The following SLC30A8 variants were observed in gnomAD, a reference collection of about 807,000 sequenced individuals.
SLC30A8 encodes solute carrier family 30 member 8, also known as proton-coupled zinc antiporter SLC30A8.
Under a neutral mutation model 36.9 loss-of-function variants are expected in SLC30A8, and 27 were observed. That is an observed-to-expected ratio of 0.73 (90% CI 0.54 to 1.01). The LOEUF is 1.01. Ranked by LOEUF, SLC30A8 falls within the 50% of genes least tolerant of loss-of-function variation. The probability of loss-of-function intolerance (pLI) is 0.00; values close to 1 mark genes in which losing one functional copy is unlikely to be tolerated. For missense variants in SLC30A8, 439 were observed against 452.0 expected (o/e 0.97, Z 0.26); for synonymous variants, 164 against 172.4 (o/e 0.95, Z 0.38).
At chr8:116,988,985 C>A (rs73701644) in intron 1 of SLC30A8, among the ~76,000 whole-genome samples, 7,459 of 152,238 alleles carry the variant, frequency 0.049, 548 homozygotes, top group African/African-American at 0.15. Context: ...ATGCTATGAA[C>A]CTCTGTGGTC....
intron 2 of SLC30A8, among the ~76,000 whole-genome samples, chr8:117,087,425 G>A (rs1818923448): frequency 6.6e-6 from 1 of 152,146 alleles, no homozygotes; most frequent in African/African-American, 2.4e-5. Flanking sequence ...TTCATCTGAG[G>A]TGGCTCATCA....
intron 2 of SLC30A8, among the ~76,000 whole-genome samples, chr8:117,112,243 G>T (rs1820260300): frequency 6.6e-6 from 1 of 152,098 alleles, no homozygotes; most frequent in Non-Finnish European, 1.5e-5. Flanking sequence ...TCCAGACCTT[G>T]AAAGATGAGA....
At chr8:117,003,126 TCTG>T (rs1331965961) in intron 1 of SLC30A8, among the ~76,000 whole-genome samples, 1 of 152,190 alleles carries the variant, frequency 6.6e-6, no homozygotes, top group Non-Finnish European at 1.5e-5. Context: ...CTGCAGCACT[TCTG>T]CTGCTGAGTA....
intron 1 of SLC30A8, among the ~76,000 whole-genome samples, chr8:116,967,259 A>T (rs1442877674): frequency 6.6e-6 from 1 of 152,242 alleles, no homozygotes; most frequent in African/African-American, 2.4e-5. Flanking sequence ...GATTTAGCTT[A>T]TATTAAAAGT....
intron 2 of SLC30A8, among the ~76,000 whole-genome samples, chr8:117,047,027 C>T (rs191139822): frequency 7.2e-5 from 11 of 152,222 alleles, no homozygotes; most frequent in Non-Finnish European, 1.3e-4. Flanking sequence ...CCATGGATTG[C>T]CTGCTTTTGG....
In SLC30A8 at chr8:117,163,410, T is replaced by G. The variant is rs1822892303; in HGVS notation, c.724-15T>G. 1 of 1,581,704 alleles carries G rather than the reference T, an allele frequency of 6.3e-7. No individual in the cohort carries two copies. Among genetic ancestry groups the G allele is most frequent in the South Asian group, 1.1e-5 (1 of 89,010 alleles). On this transcript the variant is annotated splice_polypyrimidine_tract_variant and intron_variant, in intron 5 of 7. Transcript: ENST00000456015. ...TATGAATTCAGTTAACCAAAATCCC[T>G]GTTTTTTTTTCTAGCCAGAGTATAA...
chr8:116,967,206 C>T (rs566129190), intron 1 of SLC30A8, among the ~76,000 whole-genome samples: 6 of 152,120 alleles, frequency 3.9e-5, no homozygotes, highest in South Asian at 4.1e-4. Flanking sequence ...CTGTCTTAAA[C>T]GGTAGCCTAA....
chr8:117,156,196 T>A (rs1423665409), intron 3 of SLC30A8, among the ~76,000 whole-genome samples: 3 of 152,046 alleles, frequency 2.0e-5, no homozygotes, highest in Non-Finnish European at 2.9e-5. Flanking sequence ...CACATCACCA[T>A]GTCTGGCTAA....
intron 1 of SLC30A8, among the ~76,000 whole-genome samples, chr8:117,028,766 A>T (rs1816947693): frequency 6.6e-6 from 1 of 152,058 alleles, no homozygotes; most frequent in African/African-American, 2.4e-5. Flanking sequence ...CAAAAGAAAT[A>T]TATATGTGTC....
At chr8:116,964,991 C>T (rs917997765) in intron 1 of SLC30A8, among the ~76,000 whole-genome samples, 1 of 152,152 alleles carries the variant, frequency 6.6e-6, no homozygotes, top group African/African-American at 2.4e-5. Flanking sequence ...GGCTGGAGTG[C>T]GATGGTGTGA....
chr8:117,131,421 G>A (rs973034300), upstream of SLC30A8, among the ~76,000 whole-genome samples: 4 of 151,916 alleles, frequency 2.6e-5, no homozygotes, highest in Non-Finnish European at 4.4e-5. Flanking sequence ...ATCTTTAGTG[G>A]GTGATTACAC....
intron 2 of SLC30A8, among the ~76,000 whole-genome samples, chr8:117,150,328 G>C (rs1470663096): frequency 6.6e-6 from 1 of 152,188 alleles, no homozygotes; most frequent in African/African-American, 2.4e-5. Flanking sequence ...CAGTAAGTCT[G>C]TGTTCTCCAT....
chr8:117,158,413 A>G (rs188710799), intron 4 of SLC30A8, among the ~76,000 whole-genome samples: 7 of 152,232 alleles, frequency 4.6e-5, no homozygotes, highest in African/African-American at 1.7e-4. Context: ...CAACATTTCC[A>G]TAAAATGGTC....
At chr8:117,149,239 C>T (rs1354014664) in intron 2 of SLC30A8, among the ~76,000 whole-genome samples, 1 of 152,054 alleles carries the variant, frequency 6.6e-6, no homozygotes, top group Non-Finnish European at 1.5e-5. Flanking sequence ...TAAGCAAATA[C>T]CTTTACTTTT....
chr8:117,043,004 A>T (rs1817437248), intron 2 of SLC30A8, among the ~76,000 whole-genome samples: 1 of 152,308 alleles, frequency 6.6e-6, no homozygotes, highest in African/African-American at 2.4e-5. Context: ...CTGTCAATTT[A>T]CAGGGTTACT....
intron 2 of SLC30A8, 84 bp downstream of exon 2, chr8:117,147,237 A>G: frequency 8.5e-7 from 1 of 1,174,352 alleles, no homozygotes; most frequent in Non-Finnish European, 1.2e-6. Flanking sequence ...GTTCTTATAA[A>G]GTAAGATTTA....
chr8:117,112,981 C>T lies in SLC30A8; in HGVS notation c.-225-22299C>T, dbSNP rs557830304. Among the ~76,000 whole-genome samples, 20 of 152,134 alleles carry T rather than the reference C, an allele frequency of 1.3e-4. 1 individual carries two copies. In the South Asian group the frequency reaches 2.5e-3, roughly 19 times the overall value. On this transcript the variant is annotated intron_variant, in intron 2 of 10. Transcript: ENST00000427715. ...AAAAAGTGGGTCAAGCATGACTGTTCCTTTATTCAGTCAACATCTATTTAT... is the reference window on the plus strand; with the variant it reads ...AAAAAGTGGGTCAAGCATGACTGTTTCTTTATTCAGTCAACATCTATTTAT...
chr8:116,981,349 C>A (rs1441077214), intron 1 of SLC30A8, among the ~76,000 whole-genome samples: 1 of 152,208 alleles, frequency 6.6e-6, no homozygotes, highest in African/African-American at 2.4e-5. Flanking sequence ...TCTTGGTTCA[C>A]ACACTCATGT....
At chr8:116,972,433 C>T (rs938013895) in intron 1 of SLC30A8, among the ~76,000 whole-genome samples, 1 of 152,206 alleles carries the variant, frequency 6.6e-6, no homozygotes, top group Non-Finnish European at 1.5e-5. Context: ...TAAGCGACTG[C>T]TGTTTTTGAC....
Sources: gnomAD v4.1 joint callset for allele counts (sites outside exome capture counted in the v4.1 genomes callset) on GRCh38, gnomAD v4.1.1 for gene constraint, MANE v1.5 for transcripts, NCBI Gene and HGNC (gene_info 2026-07-23, HGNC 2026-07-21) for gene names.